The following FAM178B variants were observed in gnomAD, a reference collection of about 807,000 sequenced individuals.
FAM178B encodes the protein family with sequence similarity 178 member B, also known as protein FAM178B.
Under a neutral mutation model 91.7 loss-of-function variants are expected in FAM178B, and 82 were observed. That is an observed-to-expected ratio of 0.89 (90% CI 0.75 to 1.07). The LOEUF is 1.07. Ranked by LOEUF, FAM178B falls within the 50% of genes least tolerant of loss-of-function variation. The probability of loss-of-function intolerance (pLI) is 0.00; values close to 1 mark genes in which losing one functional copy is unlikely to be tolerated. For missense variants in FAM178B, 769 were observed against 846.7 expected, an observed-to-expected ratio of 0.91 and a Z score of 1.14; for synonymous variants, 368 against 359.4, an observed-to-expected ratio of 1.02 and a Z score of -0.27.
At chr2:96,937,377 G>T (rs1292427204) in intron 8 of FAM178B, among the ~76,000 whole-genome samples, 1 of 152,132 alleles carries the variant, frequency 6.6e-6, no homozygotes, top group Non-Finnish European at 1.5e-5. Context: ...GAAAGCTGTG[G>T]CCCTGGCTCC....
At chr2:96,978,161 G>C (rs2153376269) in intron 1 of FAM178B, among the ~76,000 whole-genome samples, 1 of 152,244 alleles carries the variant, frequency 6.6e-6, no homozygotes, top group African/African-American at 2.4e-5. Context: ...TCAGCCCATG[G>C]CCTGATGCAG....
At chr2:96,878,542 A>ACGCCATGCTGCCCTGG in intron 14 of FAM178B, 49 bp from the exon 15 acceptor site, 2 of 1,576,426 alleles carry the variant, frequency 1.3e-6, no homozygotes, top group Non-Finnish European at 1.7e-6. Context: ...CACCCAGGGC[A>ACGCCATGCTGCCCTGG]GCATGGCGTG....
At chr2:96,929,429 T>G in intron 8 of FAM178B, 109 bp from the exon 9 acceptor site, 1 of 749,982 alleles carries the variant, frequency 1.3e-6, no homozygotes. Context: ...AACCAGTTTT[T>G]GCCTTCTCTG....
intron 9 of FAM178B, among the ~76,000 whole-genome samples, chr2:96,925,888 A>G (rs1574258838): frequency 6.6e-6 from 1 of 152,190 alleles, no homozygotes; most frequent in Non-Finnish European, 1.5e-5. Context: ...GAGCACCACT[A>G]CCACCTTAAC....
chr2:96,977,914 C>A, intron 1 of FAM178B: 1 of 398,982 alleles, frequency 2.5e-6, no homozygotes, highest in Non-Finnish European at 4.9e-6. Context: ...AGGGTTTCTG[C>A]AAGTTCAGCA....
intron 6 of FAM178B, among the ~76,000 whole-genome samples, chr2:96,952,362 A>G (rs1351248552): frequency 6.6e-6 from 1 of 152,192 alleles, no homozygotes; most frequent in Non-Finnish European, 1.5e-5. Context: ...TTCAGAAACC[A>G]TGTGAGCTGC....
Position 96,920,555 on chromosome 2 carries a change from G to A in FAM178B, c.1562+610C>T, listed in dbSNP as rs147252376. 4.2e-4 allele frequency among the ~76,000 whole-genome samples: 64 copies of A among 152,110 alleles called. 1 individual carries two copies. The East Asian group carries it at 5.4e-3, about 13-fold the overall frequency. ...GTGGAGCTTGCAGCGAGCCGAGATC[G>A]CACCACTGCACTCCAGCCTGGGTGA... is the stretch of plus-strand genomic sequence containing the variant. On this transcript the variant is annotated intron_variant, in intron 12 of 16. Coordinates refer to ENST00000490605, the MANE Select transcript of FAM178B (RefSeq NM_001122646.3).
chr2:96,918,696 C>A (rs1359247050), intron 12 of FAM178B, among the ~76,000 whole-genome samples: 1 of 152,134 alleles, frequency 6.6e-6, no homozygotes, highest in African/African-American at 2.4e-5. Flanking sequence ...GGACACCACC[C>A]CTCATGTTAT....
intron 12 of FAM178B, among the ~76,000 whole-genome samples, chr2:96,909,385 C>T (rs548452827): frequency 6.6e-6 from 1 of 152,286 alleles, no homozygotes; most frequent in South Asian, 2.1e-4. Context: ...GCTTCTGGAT[C>T]CTGTCCTCTG....
chr2:96,964,155 G>A (rs2082115917), intron 5 of FAM178B, among the ~76,000 whole-genome samples: 4 of 152,034 alleles, frequency 2.6e-5, no homozygotes, highest in African/African-American at 9.7e-5. Context: ...GGGCGACAGA[G>A]TGAGACTCCA....
chr2:96,972,711 A>G (rs1209686121), intron 1 of FAM178B, 105 bp from the exon 2 acceptor site: 1 of 1,049,960 alleles, frequency 9.5e-7, no homozygotes, highest in African/African-American at 1.6e-5. Context: ...TGTGCCCAAG[A>G]GGGTCCGCCC....
intron 5 of FAM178B, among the ~76,000 whole-genome samples, chr2:96,964,734 C>T (rs2153375212): frequency 6.6e-6 from 1 of 152,298 alleles, no homozygotes; most frequent in South Asian, 2.1e-4. Context: ...TCCTTCGTCC[C>T]TTCTTGTTCT....
intron 14 of FAM178B, among the ~76,000 whole-genome samples, chr2:96,883,547 C>A (rs952091980): frequency 6.6e-6 from 1 of 152,248 alleles, no homozygotes; most frequent in Non-Finnish European, 1.5e-5. Flanking sequence ...GTGGGGAAGG[C>A]AGACCTGTTT....
chr2:96,883,605 GC>G (rs1341464031), intron 14 of FAM178B, among the ~76,000 whole-genome samples: 1 of 152,228 alleles, frequency 6.6e-6, no homozygotes, highest in African/African-American at 2.4e-5. Context: ...CTCTGGGGCA[GC>G]TACTGTGTGT....
intron 1 of FAM178B, among the ~76,000 whole-genome samples, chr2:96,976,243 G>A (rs1187177648): frequency 5.9e-5 from 9 of 151,864 alleles, no homozygotes; most frequent in Admixed American, 2.6e-4. Context: ...ACAGGTGCGT[G>A]CCACCATGCC....
At chr2:96,891,752 T>A (rs994379691) in intron 14 of FAM178B, among the ~76,000 whole-genome samples, 2 of 151,750 alleles carry the variant, frequency 1.3e-5, no homozygotes, top group Non-Finnish European at 2.9e-5. Context: ...TGGGCAGAAG[T>A]GTTTATTTGC....
At chr2:96,946,976 G>T (rs2081839894) in intron 8 of FAM178B, among the ~76,000 whole-genome samples, 1 of 152,240 alleles carries the variant, frequency 6.6e-6, no homozygotes, top group Non-Finnish European at 1.5e-5. Context: ...AACTTAAAGG[G>T]CTGGGGGCTC....
At position 96,925,978 on chromosome 2, in the gene FAM178B, CT is replaced by C. The variant is rs374392139; in HGVS notation, c.1194-2396del. 2.2e-3 allele frequency among the ~76,000 whole-genome samples: 328 copies of C among 152,236 alleles called. 15 individuals carry two copies. In the East Asian group the frequency reaches 0.04, roughly 19 times the overall value. On this transcript the variant is annotated intron_variant, in intron 9 of 16. Coordinates refer to ENST00000490605, the MANE Select transcript of FAM178B (RefSeq NM_001122646.3). ...TGTGTTAATTGTCATGTATTTACCCCTTTGGTCTCTGCACCAGGCTGCTCCT... is the reference window on the plus strand; with the variant it reads ...TGTGTTAATTGTCATGTATTTACCCCTTGGTCTCTGCACCAGGCTGCTCCT...
intron 4 of FAM178B, among the ~76,000 whole-genome samples, chr2:96,970,354 C>T (rs2082200752): frequency 6.6e-6 from 1 of 152,200 alleles, no homozygotes; most frequent in Admixed American, 6.5e-5. Flanking sequence ...CAGCATGACC[C>T]TCCAGCCACA....
Sources: gnomAD v4.1 joint callset for allele counts (sites outside exome capture counted in the v4.1 genomes callset) on GRCh38, gnomAD v4.1.1 for gene constraint, MANE v1.5 for transcripts, NCBI Gene and HGNC (gene_info 2026-07-23, HGNC 2026-07-21) for gene names.